The following DYNC1I2 variants were observed in gnomAD, a reference collection of about 807,000 sequenced individuals.
The protein encoded by DYNC1I2 is cytoplasmic dynein 1 intermediate chain 2.
In DYNC1I2, 53 loss-of-function variants were observed where a neutral mutation model predicts 88.6. The observed-to-expected ratio is 0.60, with a 90% CI of 0.48 to 0.75. The LOEUF (loss-of-function observed/expected upper bound fraction) is 0.75. Among genes scored for constraint, DYNC1I2 ranks in the 30% least tolerant of loss-of-function variants. The pLI is 0.00. For missense variants in DYNC1I2, 458 were observed against 766.6 expected, an observed-to-expected ratio of 0.60 and a Z score of 4.75; for synonymous variants, 198 against 254.6, an observed-to-expected ratio of 0.78 and a Z score of 2.12.
At chr2:171,692,247 G>A (rs1318433643) in intron 2 of DYNC1I2, among the ~76,000 whole-genome samples, 1 of 152,118 alleles carries the variant, frequency 6.6e-6, no homozygotes, top group Non-Finnish European at 1.5e-5. Context: ...AATGTTTTGT[G>A]CTATGCAAAA....
chr2:171,733,295 G>A (rs1688750875), intron 15 of DYNC1I2, among the ~76,000 whole-genome samples: 1 of 151,768 alleles, frequency 6.6e-6, no homozygotes, highest in Non-Finnish European at 1.5e-5. Flanking sequence ...TTATAATAGA[G>A]TGATTGATAC....
At chr2:171,745,628 TATAATGTC>T (rs1334808989) in intron 16 of DYNC1I2, among the ~76,000 whole-genome samples, 166 bp from the exon 17 acceptor site, 4 of 152,268 alleles carry the variant, frequency 2.6e-5, no homozygotes, top group Non-Finnish European at 5.9e-5. Flanking sequence ...AAGGATCGAC[TATAATGTC>T]ATTCATAATA....
intron 3 of DYNC1I2, among the ~76,000 whole-genome samples, chr2:171,698,829 A>C (rs1333861496): frequency 6.6e-6 from 1 of 152,052 alleles, no homozygotes; most frequent in African/African-American, 2.4e-5. Flanking sequence ...AGATGGCGCC[A>C]CTGCACTCCA....
In DYNC1I2 at chr2:171,717,259, G is replaced by A. The variant is rs982108847; in HGVS notation, c.511+1816G>A. ...TTCCTGAGTAGCTGGGATTACAGGC[G>A]CCTGCCACCACGCCCGGCTAATTTT... On this transcript the variant is annotated intron_variant, in intron 7 of 17. Coordinates refer to ENST00000397119, the MANE Select transcript of DYNC1I2 (RefSeq NM_001378.3). 1.2e-3 allele frequency among the ~76,000 whole-genome samples: 177 copies of A among 150,354 alleles called. 1 individual carries two copies. Among genetic ancestry groups the A allele is most frequent in the Middle Eastern group, 6.8e-3 (2 of 292 alleles).
At chr2:171,738,946 C>T (rs1052242773) in intron 15 of DYNC1I2, among the ~76,000 whole-genome samples, 3 of 152,122 alleles carry the variant, frequency 2.0e-5, no homozygotes, top group South Asian at 2.1e-4. Context: ...GTCAGGAGTT[C>T]GAGGCCAGCC....
rs537963432 is a variant in DYNC1I2, at chr2:171,692,349, T to C, written c.109-428T>C. On this transcript the variant is annotated intron_variant, in intron 2 of 17. Transcript: ENST00000397119. ...TCTTTTTCAACAAATCATATTGTCA[T>C]TCACTTAAAATTTGTTACCTCTTAA... Among the ~76,000 whole-genome samples the C allele has an allele frequency of 4.6e-5, 7 of 152,304 alleles. No homozygotes were observed. The East Asian group carries it at 1.3e-3, about 29-fold the overall frequency.
At chr2:171,693,854 A>G (rs185345305) in intron 3 of DYNC1I2, among the ~76,000 whole-genome samples, 5 of 152,324 alleles carry the variant, frequency 3.3e-5, no homozygotes, top group Admixed American at 3.3e-4. Flanking sequence ...TGAACATGCA[A>G]TTTTAAAAGT....
At chr2:171,702,709 CAT>C (rs1686358994) in intron 3 of DYNC1I2, among the ~76,000 whole-genome samples, 1 of 151,376 alleles carries the variant, frequency 6.6e-6, no homozygotes, top group Admixed American at 6.6e-5. Flanking sequence ...TCAAACCTCT[CAT>C]AACTTTTCTT....
At chr2:171,697,475 A>G (rs1263111098) in intron 3 of DYNC1I2, among the ~76,000 whole-genome samples, 1 of 152,096 alleles carries the variant, frequency 6.6e-6, no homozygotes, top group African/African-American at 2.4e-5. Flanking sequence ...TATCCCTTAT[A>G]TTTCCTTTAA....
intron 3 of DYNC1I2, among the ~76,000 whole-genome samples, chr2:171,700,417 C>G (rs1209407416): frequency 6.6e-6 from 1 of 152,062 alleles, no homozygotes; most frequent in Admixed American, 6.6e-5. Flanking sequence ...GAGAATTTAC[C>G]CATAAATCAA....
chr2:171,728,737 TAAAC>T lies in DYNC1I2; in HGVS notation c.1280_1283del (p.Lys427SerfsTer5). Reference sequence around the variant, plus strand: ...TGTAGGATAGCATGGAGTTGGTTCATAAACAGTCAAAAGCAGTAGCTGTGACATC... The same window carrying T: ...TGTAGGATAGCATGGAGTTGGTTCATAGTCAAAAGCAGTAGCTGTGACATC... On this transcript the variant is annotated frameshift_variant, in exon 14 of 18. Coordinates refer to ENST00000397119, the MANE Select transcript of DYNC1I2 (RefSeq NM_001378.3). LOFTEE classifies it high-confidence loss of function. The T allele has an allele frequency of 1.2e-6, 2 of 1,603,990 alleles. No homozygotes were observed. The highest frequency in any genetic ancestry group is 1.7e-6 in the Non-Finnish European group (2 of 1,176,370).
At chr2:171,695,283 T>C (rs1685681958) in intron 3 of DYNC1I2, among the ~76,000 whole-genome samples, 1 of 152,094 alleles carries the variant, frequency 6.6e-6, no homozygotes, top group Non-Finnish European at 1.5e-5. Flanking sequence ...GTATCTTTAG[T>C]AGAGACGGGC....
intron 17 of DYNC1I2, among the ~76,000 whole-genome samples, chr2:171,746,871 A>G (rs898697365): frequency 6.6e-6 from 1 of 152,018 alleles, no homozygotes; most frequent in Non-Finnish European, 1.5e-5. Context: ...TCAGACTCCT[A>G]TGATATTATA....
At position 171,726,759 on chromosome 2, in the gene DYNC1I2, G is replaced by T. The variant is rs928938020; in HGVS notation, c.871-32G>T. 4 of 1,608,254 alleles carry T rather than the reference G, an allele frequency of 2.5e-6. No individual in the cohort carries two copies. In the African/African-American group the frequency reaches 5.4e-5, roughly 22 times the overall value. ...TATAAAACAGTTCTTATTATGCATA[G>T]CATTTCTTTTCTTCTTGATTCTTCT... On this transcript the variant is annotated intron_variant, in intron 10 of 17. Coordinates refer to ENST00000397119, the MANE Select transcript of DYNC1I2 (RefSeq NM_001378.3).
intron 5 of DYNC1I2, chr2:171,712,503 A>G (rs1478473652): frequency 5.6e-6 from 2 of 356,526 alleles, no homozygotes; most frequent in East Asian, 4.4e-5. Context: ...TTAGTTTCCC[A>G]TAATCTGCAA....
At chr2:171,694,486 C>A (rs112972581) in intron 3 of DYNC1I2, among the ~76,000 whole-genome samples, 2 of 151,796 alleles carry the variant, frequency 1.3e-5, no homozygotes, top group Non-Finnish European at 2.9e-5. Flanking sequence ...GGAGAAACCC[C>A]GTCTCTACTA....
At chr2:171,716,770 G>A (rs1163195503) in intron 7 of DYNC1I2, among the ~76,000 whole-genome samples, 1 of 152,022 alleles carries the variant, frequency 6.6e-6, no homozygotes, top group Admixed American at 6.6e-5. Context: ...GCCGAGCGTG[G>A]TGGTGGGTGC....
At chr2:171,691,274 T>C (rs2105451523) in intron 2 of DYNC1I2, among the ~76,000 whole-genome samples, 1 of 152,332 alleles carries the variant, frequency 6.6e-6, no homozygotes, top group Middle Eastern at 3.4e-3. Flanking sequence ...ACATTGGCCC[T>C]GAGCTGGAGA....
intron 7 of DYNC1I2, 85 bp downstream of exon 7, chr2:171,715,528 T>C: frequency 1.0e-6 from 1 of 975,512 alleles, no homozygotes. Flanking sequence ...ATTTTTGTTT[T>C]GTTTCTTTTT....
Sources: gnomAD v4.1 joint callset for allele counts (sites outside exome capture counted in the v4.1 genomes callset) on GRCh38, gnomAD v4.1.1 for gene constraint, MANE v1.5 for transcripts, NCBI Gene and HGNC (gene_info 2026-07-23, HGNC 2026-07-21) for gene names.